ALG6: variants seen among roughly 807,000 people sequenced by gnomAD.
ALG6 encodes the protein dolichyl pyrophosphate Man9GlcNAc2 alpha-1,3-glucosyltransferase.
Under a neutral mutation model 66.6 loss-of-function variants are expected in ALG6, and 46 were observed. The ratio of observed to expected loss-of-function variants is 0.69; its 90% CI spans 0.55 to 0.88. The LOEUF is 0.88. Among genes scored for constraint, ALG6 ranks in the 40% least tolerant of loss-of-function variants. ALG6 has a pLI of 0.00. For missense variants in ALG6, 505 were observed against 586.8 expected, an observed-to-expected ratio of 0.86 and a Z score of 1.44; for synonymous variants, 185 against 203.7, an observed-to-expected ratio of 0.91 and a Z score of 0.78.
At chr1:63,368,136 G>A (rs925007348) in intron 1 of ALG6, among the ~76,000 whole-genome samples, 1 of 152,206 alleles carries the variant, frequency 6.6e-6, no homozygotes, top group African/African-American at 2.4e-5. Flanking sequence ...TCAGGGCAAA[G>A]GAGGACGAAA....
intron 7 of ALG6, among the ~76,000 whole-genome samples, chr1:63,407,880 A>G (rs189780545): frequency 2.0e-5 from 3 of 152,292 alleles, no homozygotes; most frequent in African/African-American, 7.2e-5. Context: ...TTTTTATCAT[A>G]TATTTTATAT....
At chr1:63,382,665 GTTTTTTTTTT>G (rs59236936) in intron 2 of ALG6, among the ~76,000 whole-genome samples, 20 of 93,588 alleles carry the variant, frequency 2.1e-4, no homozygotes, top group Admixed American at 2.0e-3. Context: ...GTTTTTTTTT[GTTTTTTTTTT>G]TTTGTTTTTT....
At position 63,370,997 on chromosome 1, in the gene ALG6, T is replaced by C; in HGVS notation, c.20T>C (p.Met7Thr). The part of the protein sequence containing the change: MEKWYL[M>T]TVVVLIGLTV... ...AGAACTATGGAGAAATGGTACTTGATGACAGTAGTGGTTTTAATAGGACTA... is the reference window on the plus strand; with the variant it reads ...AGAACTATGGAGAAATGGTACTTGACGACAGTAGTGGTTTTAATAGGACTA... Residue 7 changes from methionine to threonine, a missense_variant, in exon 2 of 15, where the codon ATG becomes ACG. Met to Thr is a moderately conservative substitution (Grantham distance 81). Coordinates refer to ENST00000263440, the MANE Select transcript of ALG6 (RefSeq NM_013339.4). The C allele has an allele frequency of 6.2e-7, 1 of 1,609,536 alleles. No homozygotes were observed. Among genetic ancestry groups the C allele is most frequent in the Non-Finnish European group, 8.5e-7 (1 of 1,175,888 alleles).
chr1:63,376,710 C>T (rs893202775), intron 2 of ALG6, among the ~76,000 whole-genome samples: 1 of 152,114 alleles, frequency 6.6e-6, no homozygotes, highest in Non-Finnish European at 1.5e-5. Context: ...CTTTGAAAAG[C>T]ATTGAAACTT....
intron 14 of ALG6, among the ~76,000 whole-genome samples, chr1:63,430,817 A>G (rs938322775): frequency 3.3e-5 from 5 of 151,974 alleles, no homozygotes; most frequent in African/African-American, 9.7e-5. Flanking sequence ...ACTTGCAAAT[A>G]TCCTCTCCCA....
intron 14 of ALG6, among the ~76,000 whole-genome samples, chr1:63,436,468 A>C (rs1305231458): frequency 6.6e-6 from 1 of 152,158 alleles, no homozygotes; most frequent in African/African-American, 2.4e-5. Flanking sequence ...GGATGTTATA[A>C]ATTTAACCCT....
At chr1:63,373,784 C>G (rs1178026033) in intron 2 of ALG6, among the ~76,000 whole-genome samples, 1 of 149,852 alleles carries the variant, frequency 6.7e-6, no homozygotes, top group East Asian at 2.0e-4. Context: ...AATTGTCTGG[C>G]TAATTGTTTT....
At chr1:63,411,798 C>T in intron 8 of ALG6, 128 bp from the exon 9 acceptor site, 2 of 1,282,880 alleles carry the variant, frequency 1.6e-6, no homozygotes, top group South Asian at 1.2e-5. Context: ...CCATCTTAAG[C>T]CTATATTGGT....
intron 11 of ALG6, among the ~76,000 whole-genome samples, chr1:63,416,466 A>G (rs1570075141): frequency 6.6e-6 from 1 of 152,150 alleles, no homozygotes; most frequent in East Asian, 1.9e-4. Context: ...GGGAAAGGAC[A>G]CAGGATATTC....
chr1:63,385,184 C>CTTTTTTTTTTTTTT (rs1165046824), intron 2 of ALG6, among the ~76,000 whole-genome samples: 3 of 58,950 alleles, frequency 5.1e-5, no homozygotes, highest in African/African-American at 6.6e-5. Flanking sequence ...TTTACTTCTT[C>CTTTTTTTTTTTTTT]TTTTTTTTTT....
intron 3 of ALG6, among the ~76,000 whole-genome samples, chr1:63,400,786 A>G (rs1389508915): frequency 4.6e-5 from 7 of 152,218 alleles, no homozygotes; most frequent in Admixed American, 3.3e-4. Flanking sequence ...GCTAGTAGCC[A>G]ATTGGAACTA....
At chr1:63,430,511 C>G (rs1346782494) in intron 14 of ALG6, among the ~76,000 whole-genome samples, 2 of 152,234 alleles carry the variant, frequency 1.3e-5, no homozygotes, top group African/African-American at 4.8e-5. Context: ...ATTCTTCATT[C>G]TCACCAACAA....
In ALG6 at chr1:63,400,223, G is replaced by GTATA. The variant is rs1192053870; in HGVS notation, c.168-2014_168-2011dup. On this transcript the variant is annotated intron_variant, in intron 3 of 14. Coordinates refer to ENST00000263440, the MANE Select transcript of ALG6 (RefSeq NM_013339.4). ...AAAAAAAAAATATATATATATATAC[G>GTATA]TATATATATATATATATATACGTAT... 8.3e-3 allele frequency among the ~76,000 whole-genome samples: 51 copies of GTATA among 6,134 alleles called. 3 individuals are homozygous for GTATA. Among genetic ancestry groups the GTATA allele is most frequent in the African/African-American group, 0.014 (8 of 586 alleles). The allele number at this position is 6,134 out of a possible 152,430, so 4.0% of individuals were successfully genotyped here.
chr1:63,428,617 G>A, intron 12 of ALG6, 116 bp from the exon 13 acceptor site: 1 of 770,680 alleles, frequency 1.3e-6, no homozygotes, highest in Non-Finnish European at 2.1e-6. Context: ...GACCTTCCTG[G>A]CTGTTTTTAA....
In ALG6 at chr1:63,396,363, A is replaced by G. The variant is rs928846454; in HGVS notation, c.83-150A>G. Reference sequence around the variant, plus strand: ...GCAGTGTGCCAGCAGTGCTAGATTCAGATTTTATCTCTCTGACTTTCTCGG... The same window carrying G: ...GCAGTGTGCCAGCAGTGCTAGATTCGGATTTTATCTCTCTGACTTTCTCGG... On this transcript the variant is annotated intron_variant, in intron 2 of 14. Transcript: ENST00000263440. The G allele has an allele frequency of 2.8e-5, 20 of 705,228 alleles. 1 individual carries two copies. The African/African-American group carries it at 2.9e-4, about 10-fold the overall frequency. The allele number at this position is 705,228 out of a possible 1,614,324, so 43.7% of individuals were successfully genotyped here.
At chr1:63,415,263 G>A (rs1170039679) in intron 10 of ALG6, among the ~76,000 whole-genome samples, 6 of 152,118 alleles carry the variant, frequency 3.9e-5, no homozygotes, top group African/African-American at 1.4e-4. Flanking sequence ...GCTTTCAGGG[G>A]CTATTTCCCA....
intron 2 of ALG6, among the ~76,000 whole-genome samples, chr1:63,376,430 G>A (rs975715222): frequency 1.3e-5 from 2 of 151,956 alleles, no homozygotes; most frequent in East Asian, 1.9e-4. Flanking sequence ...TGATATCCTT[G>A]GGGTTGTTCT....
rs921562263 is a variant in ALG6, at chr1:63,404,624, T to C, written c.346+83T>C. On this transcript the variant is annotated intron_variant, in intron 5 of 14. Transcript: ENST00000263440. ...CTGGTAAAGGTACTATTATTGTTCTTACTGACTTTAAAATTGTGCAATTAC... is the reference window on the plus strand; with the variant it reads ...CTGGTAAAGGTACTATTATTGTTCTCACTGACTTTAAAATTGTGCAATTAC... The C allele has an allele frequency of 2.7e-6, 3 of 1,119,808 alleles. 1 individual carries two copies. In the South Asian group the frequency reaches 3.8e-5, roughly 14 times the overall value. The allele number at this position is 1,119,808 out of a possible 1,614,324, so 69.4% of individuals were successfully genotyped here.
chr1:63,436,785 C>A, intron 14 of ALG6, 38 bp from the exon 15 acceptor site: 1 of 1,588,754 alleles, frequency 6.3e-7, no homozygotes, highest in Non-Finnish European at 8.6e-7. Flanking sequence ...TTAAATTTCA[C>A]CTTTTATACT....
Sources: allele counts gnomAD v4.1 joint callset (sites outside exome capture counted in the v4.1 genomes callset), GRCh38; gene constraint gnomAD v4.1.1; transcripts MANE v1.5; gene names NCBI Gene and HGNC (gene_info 2026-07-23, HGNC 2026-07-21).